Variants in NFASC observed in about 807,000 individuals in gnomAD.
NFASC encodes the protein neurofascin homolog.
NFASC carries 43 observed loss-of-function variants against 147.5 expected under a neutral mutation model. The ratio of observed to expected loss-of-function variants is 0.29; its 90% CI spans 0.23 to 0.38. NFASC has a LOEUF of 0.38. Ranked by LOEUF, NFASC falls within the 10% of genes least tolerant of loss-of-function variation. The pLI is 1.00. For missense variants in NFASC, 1,320 were observed against 1,689.0 expected, an observed-to-expected ratio of 0.78 and a Z score of 3.83; for synonymous variants, 622 against 665.5, an observed-to-expected ratio of 0.93 and a Z score of 1.01.
chr1:204,943,250 A>C (rs1321046169), intron 2 of NFASC, among the ~76,000 whole-genome samples: 1 of 152,180 alleles, frequency 6.6e-6, no homozygotes, highest in Non-Finnish European at 1.5e-5. Flanking sequence ...AACCTCAGGC[A>C]ATCTTAAAGC....
rs12031914 is a variant in NFASC, at chr1:204,896,420, C to G, written c.-199-24212C>G. Among the ~76,000 whole-genome samples, 2,222 of 152,290 alleles carry G rather than the reference C, an allele frequency of 0.015. 140 individuals carry two copies. The East Asian group carries it at 0.21, about 14-fold the overall frequency. Reference sequence around the variant, plus strand: ...CTGGGCTGTCACTTGTTTGTTTGCTCTGGGGACTGCCCAGTAACTCTTTGG... The same window carrying G: ...CTGGGCTGTCACTTGTTTGTTTGCTGTGGGGACTGCCCAGTAACTCTTTGG... On this transcript the variant is annotated intron_variant, in intron 1 of 29. Transcript: ENST00000339876.
In NFASC at chr1:204,913,892, C is replaced by CAA. The variant is rs571860073; in HGVS notation, c.-199-6729_-199-6728dup. 3.5e-3 allele frequency among the ~76,000 whole-genome samples: 373 copies of CAA among 107,838 alleles called. 10 individuals are homozygous for CAA. The highest frequency in any genetic ancestry group is 0.016 in the East Asian group (60 of 3,732). 70.7% of individuals were successfully genotyped at this position (107,838 alleles called of 152,430 possible). A position where few individuals can be genotyped will look rare whatever the true frequency, so the allele number is the denominator to read the frequency against. ...TGGGCAACACAGCAAGACCCTGTCT[C>CAA]AAAAAAAAAAAAGAAAAGAAAAAAG... On this transcript the variant is annotated intron_variant, in intron 1 of 29. Coordinates refer to ENST00000339876, the MANE Select transcript of NFASC (RefSeq NM_001005388.3).
At chr1:204,927,270 G>A (rs1209269669) in intron 2 of NFASC, among the ~76,000 whole-genome samples, 1 of 151,884 alleles carries the variant, frequency 6.6e-6, no homozygotes, top group Admixed American at 6.6e-5. Flanking sequence ...GGCAACCACT[G>A]ATCTATTTTC....
At chr1:204,984,205 A>T in intron 21 of NFASC, 1 of 1,047,530 alleles carries the variant, frequency 9.5e-7, no homozygotes, top group Admixed American at 1.7e-5. Flanking sequence ...CAGGGGTAGC[A>T]AATGCGGGCT....
In NFASC at chr1:205,009,627, C is replaced by T; in HGVS notation, c.3360C>T (p.Leu1120=). ...TTGGGCTTATGTGCGCCATCGCCCT[C>T]CTGGTGCTGATCCTGCTCATCGTCT... The part of the protein sequence containing the change: ...WFIGLMCAIA[L]LVLILLIVCF... Residue 1120 remains leucine (L), a synonymous_variant, in exon 28 of 30, where the codon CTC becomes CTT. Transcript: ENST00000339876. 1.9e-6 allele frequency: 3 copies of T among 1,614,160 alleles called. No homozygotes were observed. Among genetic ancestry groups the T allele is most frequent in the South Asian group, 1.1e-5 (1 of 91,088 alleles).
At chr1:204,934,294 G>T (rs2625224) in intron 2 of NFASC, among the ~76,000 whole-genome samples, 15,198 of 152,050 alleles carry the variant, frequency 0.1, 800 homozygotes, top group Middle Eastern at 0.16. Flanking sequence ...GTAGAGGTGG[G>T]CAGGAGGAAG....
At chr1:204,865,786 G>T (rs2077059556) in intron 1 of NFASC, among the ~76,000 whole-genome samples, 1 of 152,134 alleles carries the variant, frequency 6.6e-6, no homozygotes. Flanking sequence ...ATGAATTTGA[G>T]TATAATCATT....
intron 17 of NFASC, among the ~76,000 whole-genome samples, chr1:204,978,112 A>G (rs572880134): frequency 1.6e-4 from 24 of 152,016 alleles, no homozygotes; most frequent in African/African-American, 5.8e-4. Flanking sequence ...ATTGCTTTCT[A>G]TCCATTTACA....
At chr1:204,879,013 A>C (rs562785610) in intron 1 of NFASC, among the ~76,000 whole-genome samples, 1 of 152,222 alleles carries the variant, frequency 6.6e-6, no homozygotes, top group Non-Finnish European at 1.5e-5. Context: ...CTGAGTGGAA[A>C]AAAAGAAGGT....
Position 204,870,976 on chromosome 1 carries a change from C to A in NFASC, c.-200+42194C>A, listed in dbSNP as rs111398807. On this transcript the variant is annotated intron_variant, in intron 1 of 29. Transcript: ENST00000339876. ...GTCTGCCAGCTGGGATGGCCTGGGG[C>A]CTAAGAAATGCCTAGCTTCCCTCCC... The A allele has an allele frequency of 1.9e-3, 2,421 of 1,287,100 alleles. 17 individuals are homozygous for A. In the African/African-American group the frequency reaches 0.019, roughly 10 times the overall value. 79.7% of individuals were successfully genotyped at this position (1,287,100 alleles called of 1,614,324 possible).
Position 205,002,660 on chromosome 1 carries a change from C to T in NFASC, c.3201C>T (p.Leu1067=). The change falls in exon 27 of 30, where the codon CTC becomes CTT. Residue 1067 remains leucine (L), a synonymous_variant. Coordinates refer to ENST00000339876, the MANE Select transcript of NFASC (RefSeq NM_001005388.3). The part of the protein sequence containing the change: ...AQAQPIQLTD[L]YPGMTYTLRV... Reference sequence around the variant, plus strand: ...CTCAGCCTATACAGCTGACAGACCTCTATCCCGGGATGACATACACGTTGC... The same window carrying T: ...CTCAGCCTATACAGCTGACAGACCTTTATCCCGGGATGACATACACGTTGC... 6.3e-7 allele frequency: 1 copy of T among 1,587,954 alleles called. No homozygotes were observed. The highest frequency in any genetic ancestry group is 8.6e-7 in the Non-Finnish European group (1 of 1,160,462).
chr1:204,857,272 G>T (rs531238652), intron 1 of NFASC, among the ~76,000 whole-genome samples: 6 of 152,116 alleles, frequency 3.9e-5, no homozygotes, highest in Admixed American at 6.5e-5. Flanking sequence ...CTCAAAGTGG[G>T]CCCAAAATCC....
intron 25 of NFASC, chr1:205,000,967 C>T (rs2095969201): frequency 3.3e-6 from 2 of 604,216 alleles, no homozygotes; most frequent in South Asian, 1.8e-5. Context: ...GCCTGGCCAC[C>T]AAGGCTGCAG....
At chr1:204,898,741 C>T (rs769803959) in intron 1 of NFASC, among the ~76,000 whole-genome samples, 17 of 152,164 alleles carry the variant, frequency 1.1e-4, no homozygotes, top group Non-Finnish European at 1.9e-4. Flanking sequence ...GGTTGAGCAT[C>T]GGCACCAGCT....
rs376304938 is a variant in NFASC, at chr1:205,016,505, C to T, written c.3689C>T (p.Thr1230Met). ...GAGGGCAACGAAAGCTCAGAGGCCACGTCACCTGTCAATGCTATCTACTCT... is the reference window on the plus strand; with the variant it reads ...GAGGGCAACGAAAGCTCAGAGGCCATGTCACCTGTCAATGCTATCTACTCT... ...ETEGNESSEATSPVNAIYSLA is the reference protein window; with the variant it reads ...ETEGNESSEAMSPVNAIYSLA The change falls in exon 30 of 30, where the codon ACG becomes ATG. Residue 1230 changes from threonine (T) to methionine (M), a missense_variant. Physicochemically the swap from Thr to Met is moderately conservative, Grantham distance 81. This residue lies in a region of NFASC where 167 missense variants were observed against 233.8 expected (regional missense o/e 0.71). Coordinates refer to ENST00000339876, the MANE Select transcript of NFASC (RefSeq NM_001005388.3). This position sits in a 1 kb window ranked among gnomAD's most constrained non-coding sequence, Gnocchi z 5.1. 24 of 1,613,896 alleles carry T rather than the reference C, an allele frequency of 1.5e-5. No homozygotes were observed. Among genetic ancestry groups the T allele is most frequent in the Admixed American group, 6.7e-5 (4 of 60,012 alleles).
chr1:205,007,348 A>G (rs994943047), intron 27 of NFASC, among the ~76,000 whole-genome samples: 2 of 149,768 alleles, frequency 1.3e-5, no homozygotes, highest in Admixed American at 6.6e-5. Context: ...GTGAGCTATG[A>G]TAACACCACT....
intron 2 of NFASC, among the ~76,000 whole-genome samples, chr1:204,924,846 G>C (rs1405446612): frequency 6.6e-6 from 1 of 152,170 alleles, no homozygotes; most frequent in Non-Finnish European, 1.5e-5. Context: ...TGGGGGAGAG[G>C]AGAAAGGGCC....
intron 8 of NFASC, among the ~76,000 whole-genome samples, chr1:204,962,638 C>T (rs950171316): frequency 3.3e-5 from 5 of 152,108 alleles, no homozygotes; most frequent in African/African-American, 7.2e-5. Flanking sequence ...CCTTAGTTAC[C>T]GGGAGTACCA....
At chr1:204,854,161 A>G (rs754015900) in intron 1 of NFASC, among the ~76,000 whole-genome samples, 2 of 151,962 alleles carry the variant, frequency 1.3e-5, no homozygotes, top group Non-Finnish European at 2.9e-5. Flanking sequence ...CCAGTTATCA[A>G]TGTCTCTTGT....
Sources: allele counts gnomAD v4.1 joint callset (sites outside exome capture counted in the v4.1 genomes callset), GRCh38; gene constraint gnomAD v4.1.1; regional missense constraint gnomAD v4.1.1; non-coding constraint Gnocchi (gnomAD v3.1); transcripts MANE v1.5; gene names NCBI Gene and HGNC (gene_info 2026-07-23, HGNC 2026-07-21).